Variants in ATP2A2 observed in about 807,000 individuals in gnomAD.
ATP2A2 encodes the protein ATPase sarcoplasmic/endoplasmic reticulum Ca2+ transporting 2.
ATP2A2 carries 14 observed loss-of-function variants against 109.3 expected under a neutral mutation model. The ratio of observed to expected loss-of-function variants is 0.13; its 90% CI spans 0.08 to 0.20. The LOEUF is 0.20. Ranked by LOEUF, ATP2A2 falls within the 10% of genes least tolerant of loss-of-function variation. The pLI is 1.00. For synonymous variants in ATP2A2, 506 were observed against 490.9 expected (o/e 1.03, Z -0.41); for missense variants, 657 against 1,321.6 (o/e 0.50, Z 7.80).
chr12:110,311,622 A>AAAAAAC (rs1876073126), intron 5 of ATP2A2, among the ~76,000 whole-genome samples: 1 of 141,018 alleles, frequency 7.1e-6, no homozygotes, highest in Non-Finnish European at 1.5e-5. Flanking sequence ...AAAAAAAAAA[A>AAAAAAC]CGCTGGGATT....
Position 110,309,140 on chromosome 12 carries a change from A to ATTTTTTTTTTTTTTTT in ATP2A2, c.463+12423_463+12438dup, listed in dbSNP as rs10665212. On this transcript the variant is annotated intron_variant, in intron 5 of 19. Transcript: ENST00000539276. Reference sequence around the variant, plus strand: ...ATGGAGAGAGAGTTTAAGGAAACTAATTTTTTTTTTTTTTTTTTTTTTTTT... The same window carrying ATTTTTTTTTTTTTTTT: ...ATGGAGAGAGAGTTTAAGGAAACTAATTTTTTTTTTTTTTTTTTTTTTTTTTTTTTTTTTTTTTTTT... Among the ~76,000 whole-genome samples the ATTTTTTTTTTTTTTTT allele has an allele frequency of 8.4e-4, 41 of 48,902 alleles. 5 individuals carry two copies. Among genetic ancestry groups the ATTTTTTTTTTTTTTTT allele is most frequent in the Admixed American group, 1.4e-3 (4 of 2,860 alleles). 32.1% of individuals were successfully genotyped at this position (48,902 alleles called of 152,430 possible).
chr12:110,333,318 T>A, intron 10 of ATP2A2, 35 bp downstream of exon 10: 1 of 1,558,842 alleles, frequency 6.4e-7, no homozygotes, highest in Non-Finnish European at 8.8e-7. Context: ...GAATGGCTGT[T>A]CCTAGTTCAA....
intron 8 of ATP2A2, 53 bp downstream of exon 8, chr12:110,328,070 C>CTT: frequency 6.5e-7 from 1 of 1,543,248 alleles, no homozygotes; most frequent in Non-Finnish European, 8.9e-7. Flanking sequence ...TTCATCCTAC[C>CTT]AATATGCCTT....
chr12:110,291,817 T>G (rs955556710), intron 3 of ATP2A2, among the ~76,000 whole-genome samples: 3 of 152,012 alleles, frequency 2.0e-5, no homozygotes, highest in African/African-American at 7.2e-5. Context: ...CAGCTAATTT[T>G]TTGTATTTTT....
intron 5 of ATP2A2, among the ~76,000 whole-genome samples, chr12:110,305,114 A>G (rs562706965): frequency 6.6e-6 from 1 of 152,228 alleles, no homozygotes; most frequent in Admixed American, 6.5e-5. Context: ...TTGTATTTTT[A>G]GTAGAAACGG....
Position 110,327,494 on chromosome 12 carries a change from C to T in ATP2A2, c.631-59C>T, listed in dbSNP as rs1877925293. Reference sequence around the variant, plus strand: ...GGGTGCCCTAGTCAAAAACCAGCGTCGGTATTTAAGTTGGGATGTGGTATT... The same window carrying T: ...GGGTGCCCTAGTCAAAAACCAGCGTTGGTATTTAAGTTGGGATGTGGTATT... On this transcript the variant is annotated intron_variant, in intron 7 of 19. Coordinates refer to ENST00000539276, the MANE Select transcript of ATP2A2 (RefSeq NM_170665.4). The surrounding 1 kb of genome is among the most constrained non-coding windows in gnomAD (Gnocchi z 4.4). 8.6e-6 allele frequency: 13 copies of T among 1,509,484 alleles called. No individual in the cohort carries two copies. Among genetic ancestry groups the T allele is most frequent in the Middle Eastern group, 3.4e-4 (2 of 5,810 alleles). The allele number at this position is 1,509,484 out of a possible 1,614,324, so 93.5% of individuals were successfully genotyped here.
intron 4 of ATP2A2, among the ~76,000 whole-genome samples, chr12:110,295,632 T>C (rs1006143746): frequency 6.6e-6 from 1 of 152,222 alleles, no homozygotes; most frequent in Non-Finnish European, 1.5e-5. Context: ...ATACTTTTTC[T>C]GGGGTATATA....
chr12:110,321,568 G>T (rs1877249081), intron 5 of ATP2A2, among the ~76,000 whole-genome samples: 1 of 152,160 alleles, frequency 6.6e-6, no homozygotes, highest in African/African-American at 2.4e-5. Context: ...GAGTAGCTGA[G>T]ACTACAGGCA....
chr12:110,345,446 G>T, intron 18 of ATP2A2, 64 bp downstream of exon 18: 2 of 1,601,614 alleles, frequency 1.2e-6, no homozygotes, highest in Non-Finnish European at 8.6e-7. Context: ...GGGGAATTGT[G>T]TGTAGTCACG....
intron 18 of ATP2A2, chr12:110,345,667 C>T: frequency 1.7e-6 from 1 of 576,218 alleles, no homozygotes; most frequent in South Asian, 2.0e-5. Flanking sequence ...AGGGAAGGAA[C>T]CTCACCCTTT....
At chr12:110,309,809 G>A (rs546475796) in intron 5 of ATP2A2, among the ~76,000 whole-genome samples, 2 of 152,112 alleles carry the variant, frequency 1.3e-5, no homozygotes, top group African/African-American at 4.8e-5. Context: ...GAAAAGCTGA[G>A]GTGGGAGGAT....
intron 5 of ATP2A2, among the ~76,000 whole-genome samples, chr12:110,315,619 A>G (rs1876580115): frequency 6.6e-6 from 1 of 152,122 alleles, no homozygotes; most frequent in African/African-American, 2.4e-5. Flanking sequence ...TAGGACTGTC[A>G]AATGTTAGCA....
intron 3 of ATP2A2, among the ~76,000 whole-genome samples, chr12:110,290,094 T>C (rs1873101162): frequency 6.6e-6 from 1 of 152,246 alleles, no homozygotes; most frequent in Admixed American, 6.5e-5. Context: ...TGTATAAATG[T>C]CATATGGAGG....
upstream of ATP2A2, chr12:110,280,999 G>A (rs1010734857): frequency 7.9e-5 from 12 of 152,096 alleles, no homozygotes; most frequent in Admixed American, 4.6e-4. Flanking sequence ...CACAGAAGAG[G>A]GTACCCAGCT....
chr12:110,349,341 T>TA lies in ATP2A2; in HGVS notation c.*2872dup. 1 of 985,504 alleles carries TA rather than the reference T, an allele frequency of 1.0e-6. No individual in the cohort carries two copies. The highest frequency in any genetic ancestry group is 1.2e-6 in the Non-Finnish European group (1 of 829,992). The allele number at this position is 985,504 out of a possible 1,614,324, so 61.0% of individuals were successfully genotyped here. A position where few individuals can be genotyped will look rare whatever the true frequency, so the allele number is the denominator to read the frequency against. On this transcript the variant is annotated 3_prime_UTR_variant, in exon 20 of 20. Transcript: ENST00000539276. The stretch of plus-strand genomic sequence containing the variant: ...TGTCAGGCAGCTCTTGCCTGAAACT[T>TA]ACTTCCACATTCTTTCCTGATGGGC...
intron 11 of ATP2A2, among the ~76,000 whole-genome samples, chr12:110,337,849 C>G (rs989470905): frequency 1.3e-5 from 2 of 152,214 alleles, no homozygotes; most frequent in African/African-American, 2.4e-5. Context: ...ACCATGCTAA[C>G]ATAACAGAAT....
chr12:110,341,518 T>C (rs1389092477), intron 14 of ATP2A2, among the ~76,000 whole-genome samples: 3 of 152,350 alleles, frequency 2.0e-5, no homozygotes, highest in African/African-American at 4.8e-5. Flanking sequence ...AGCAAAAATA[T>C]TAAAAACATG....
At chr12:110,311,523 G>C (rs538214565) in intron 5 of ATP2A2, among the ~76,000 whole-genome samples, 2 of 149,968 alleles carry the variant, frequency 1.3e-5, no homozygotes, top group Non-Finnish European at 3.0e-5. Flanking sequence ...TTGAACCCAG[G>C]GGGCAGAGGT....
At chr12:110,288,418 C>G (rs1368337286) in intron 3 of ATP2A2, among the ~76,000 whole-genome samples, 2 of 145,944 alleles carry the variant, frequency 1.4e-5, no homozygotes, top group African/African-American at 5.0e-5. Context: ...TTTTTTTTTT[C>G]CTTGAGATGG....
Sources: allele counts gnomAD v4.1 joint callset (sites outside exome capture counted in the v4.1 genomes callset), GRCh38; gene constraint gnomAD v4.1.1; non-coding constraint Gnocchi (gnomAD v3.1); transcripts MANE v1.5; gene names NCBI Gene and HGNC (gene_info 2026-07-23, HGNC 2026-07-21).